The following ASPA variants were observed in gnomAD, a reference collection of about 807,000 sequenced individuals.
The protein encoded by ASPA is ACY-2.
A neutral mutation model predicts 29.6 loss-of-function variants in ASPA; 25 were observed. That is an observed-to-expected ratio of 0.85 (90% CI 0.62 to 1.18). The LOEUF (loss-of-function observed/expected upper bound fraction) is 1.18, where lower values mean the gene tolerates loss of function less well. ASPA is among the 50% of genes most tolerant of loss of function. The pLI is 0.00. For synonymous variants in ASPA, 131 were observed against 130.3 expected, an observed-to-expected ratio of 1.01 and a Z score of -0.04; for missense variants, 333 against 385.7, an observed-to-expected ratio of 0.86 and a Z score of 1.14.
At chr17:3,497,311 C>T (rs929276106) in intron 5 of ASPA, among the ~76,000 whole-genome samples, 3 of 152,280 alleles carry the variant, frequency 2.0e-5, no homozygotes, top group African/African-American at 7.2e-5. Context: ...AAATAGTTCT[C>T]AGCCGAGCCA....
chr17:3,500,595 C>G lies in ASPA; in HGVS notation c.*1507C>G, dbSNP rs1192093252. 2 of 152,146 alleles carry G rather than the reference C, an allele frequency of 1.3e-5. No individual in the cohort carries two copies. The highest frequency in any genetic ancestry group is 4.8e-5 in the African/African-American group (2 of 41,420). The allele number at this position is 152,146 out of a possible 1,614,324, so 9.4% of individuals were successfully genotyped here. A position where few individuals can be genotyped will look rare whatever the true frequency, so the allele number is the denominator to read the frequency against. On this transcript the variant is annotated 3_prime_UTR_variant, in exon 6 of 6. Transcript: ENST00000263080. ...TCGGCTCACTGCAAGCTCCGCCTCCCAGGTTCATGCCATTCTCCTGCCTCA... is the reference window on the plus strand; with the variant it reads ...TCGGCTCACTGCAAGCTCCGCCTCCGAGGTTCATGCCATTCTCCTGCCTCA...
intron 2 of ASPA, 95 bp downstream of exon 2, chr17:3,481,893 A>G: frequency 8.3e-7 from 1 of 1,204,004 alleles, no homozygotes; most frequent in Non-Finnish European, 1.2e-6. Context: ...TTATGAGGGA[A>G]GGTGCAAGAG....
In ASPA at chr17:3,499,169, T is replaced by C. The variant is rs2073961028; in HGVS notation, c.*81T>C. ...AGCTCCTTAAGAGTAGGGTTGTGCC[T>C]TATTCAACTGCATACATAGCTCCTA... On this transcript the variant is annotated 3_prime_UTR_variant, in exon 6 of 6. Coordinates refer to ENST00000263080, the MANE Select transcript of ASPA (RefSeq NM_000049.4). The C allele has an allele frequency of 9.6e-6, 14 of 1,463,444 alleles. No individual in the cohort carries two copies. Among genetic ancestry groups the C allele is most frequent in the Non-Finnish European group, 1.2e-5 (13 of 1,066,656 alleles). The allele number at this position is 1,463,444 out of a possible 1,614,324, so 90.7% of individuals were successfully genotyped here. A position where few individuals can be genotyped will look rare whatever the true frequency, so the allele number is the denominator to read the frequency against.
Position 3,489,233 on chromosome 17 carries a change from A to C in ASPA, c.527-2A>C, listed in dbSNP as rs778385612. Reference sequence around the variant, plus strand: ...TGTGACTATCTCTCCTTCTGTACCTAGGTATAGAAGTTGGTCCTCAGCCTC... The same window carrying C: ...TGTGACTATCTCTCCTTCTGTACCTCGGTATAGAAGTTGGTCCTCAGCCTC... On this transcript the variant is annotated splice_acceptor_variant, in intron 3 of 5. Transcript: ENST00000263080. LOFTEE classifies it high-confidence loss of function. 6.3e-7 allele frequency: 1 copy of C among 1,579,268 alleles called. No homozygotes were observed. Among genetic ancestry groups the C allele is most frequent in the Non-Finnish European group, 8.7e-7 (1 of 1,149,830 alleles).
intron 3 of ASPA, among the ~76,000 whole-genome samples, chr17:3,486,418 C>A (rs1279042445): frequency 6.6e-6 from 1 of 152,208 alleles, no homozygotes; most frequent in Non-Finnish European, 1.5e-5. Context: ...AGAATCCTCT[C>A]TCCACATCCC....
At chr17:3,479,029 C>G (rs1399926319) in intron 1 of ASPA, among the ~76,000 whole-genome samples, 1 of 152,158 alleles carries the variant, frequency 6.6e-6, no homozygotes, top group Non-Finnish European at 1.5e-5. Context: ...TTGCTCTGAC[C>G]CTTCCTGTCA....
intron 1 of ASPA, among the ~76,000 whole-genome samples, chr17:3,479,354 C>G (rs11652568): frequency 0.41 from 62,267 of 152,070 alleles, 14,664 homozygotes; most frequent in Non-Finnish European, 0.56. Context: ...AATTGTCGGG[C>G]GCGACCTCAG....
chr17:3,483,997 T>C (rs536013905), intron 3 of ASPA, among the ~76,000 whole-genome samples: 1 of 152,196 alleles, frequency 6.6e-6, no homozygotes, highest in Non-Finnish European at 1.5e-5. Flanking sequence ...CTACCTTCCA[T>C]ATCCTTAGGC....
At chr17:3,495,184 T>G (rs371549015) in intron 5 of ASPA, among the ~76,000 whole-genome samples, 124 of 152,120 alleles carry the variant, frequency 8.2e-4, no homozygotes, top group African/African-American at 2.8e-3. Flanking sequence ...AAAGCCAAAG[T>G]ATCCATTCCC....
intron 4 of ASPA, among the ~76,000 whole-genome samples, chr17:3,492,847 T>TA (rs985725127): frequency 6.6e-6 from 1 of 151,514 alleles, no homozygotes; most frequent in African/African-American, 2.4e-5. Flanking sequence ...AGCAAAACAA[T>TA]AAAAAAAATC....
chr17:3,479,580 T>G lies in ASPA; in HGVS notation c.237-2023T>G, dbSNP rs867048650. 2.5e-4 allele frequency among the ~76,000 whole-genome samples: 38 copies of G among 152,218 alleles called. No individual in the cohort carries two copies. In the Middle Eastern group the frequency reaches 0.017, roughly 68 times the overall value. Reference sequence around the variant, plus strand: ...ACCTTCCCACAGCACTGTCTCAACATGGCCCCTTCCACCTTCCCACTGCAC... The same window carrying G: ...ACCTTCCCACAGCACTGTCTCAACAGGGCCCCTTCCACCTTCCCACTGCAC... On this transcript the variant is annotated intron_variant, in intron 1 of 5. Coordinates refer to ENST00000263080, the MANE Select transcript of ASPA (RefSeq NM_000049.4).
chr17:3,498,192 C>T (rs2073939185), intron 5 of ASPA, among the ~76,000 whole-genome samples: 1 of 152,066 alleles, frequency 6.6e-6, no homozygotes, highest in African/African-American at 2.4e-5. Context: ...ACAGAAGACT[C>T]CTAATGGATA....
At chr17:3,495,633 A>G (rs1367383465) in intron 5 of ASPA, among the ~76,000 whole-genome samples, 2 of 152,132 alleles carry the variant, frequency 1.3e-5, no homozygotes, top group African/African-American at 2.4e-5. Context: ...CAGTGGTGCA[A>G]TCTCAGCTCA....
At chr17:3,496,870 T>C (rs2150761849) in intron 5 of ASPA, among the ~76,000 whole-genome samples, 1 of 152,152 alleles carries the variant, frequency 6.6e-6, no homozygotes, top group South Asian at 2.1e-4. Flanking sequence ...ATCGAGACCA[T>C]CCTGGCTAAC....
chr17:3,483,540 G>A lies in ASPA; in HGVS notation c.474G>A (p.Glu158=). The A allele has an allele frequency of 1.2e-6, 2 of 1,614,102 alleles. No homozygotes were observed. The highest frequency in any genetic ancestry group is 1.3e-5 in the African/African-American group (1 of 75,014). Residue 158 remains glutamate, a synonymous_variant, in exon 3 of 6, where the codon GAG becomes GAA. Transcript: ENST00000263080. ...APLPCYVYLI[E]HPSLKYATTR... The stretch of plus-strand genomic sequence containing the variant: ...TACCCTGCTACGTTTATCTGATTGA[G>A]CATCCTTCCCTCAAATATGCGACCA...
chr17:3,479,518 C>T (rs1234929794), intron 1 of ASPA, among the ~76,000 whole-genome samples: 1 of 152,128 alleles, frequency 6.6e-6, no homozygotes, highest in Non-Finnish European at 1.5e-5. Context: ...GCTGATGGAG[C>T]GGCCACATGA....
intron 4 of ASPA, among the ~76,000 whole-genome samples, chr17:3,492,589 A>C (rs1222523073): frequency 6.6e-6 from 1 of 152,190 alleles, no homozygotes. Context: ...GTGCCATAGA[A>C]GAGGCTTGAA....
rs2073800916 is a variant in ASPA at position 3,490,225 on chromosome 17, A to G, written c.634+883A>G. ...GTCTTAATTATATTCAATAAGAATA[A>G]TGTATTTATGTATTATTTCTGTAAT... On this transcript the variant is annotated intron_variant, in intron 4 of 5. Coordinates refer to ENST00000263080, the MANE Select transcript of ASPA (RefSeq NM_000049.4). This position sits in a 1 kb window ranked among gnomAD's most constrained non-coding sequence, Gnocchi z 4.6. 6.6e-6 allele frequency among the ~76,000 whole-genome samples: 1 copy of G among 152,214 alleles called. No individual in the cohort carries two copies.
chr17:3,493,498 T>C (rs1370492668), intron 4 of ASPA, among the ~76,000 whole-genome samples: 1 of 138,114 alleles, frequency 7.2e-6, no homozygotes, highest in African/African-American at 2.8e-5. Context: ...GAGGTGGAGG[T>C]TGCAGTGAGC....
Sources: gnomAD v4.1 joint callset for allele counts (sites outside exome capture counted in the v4.1 genomes callset) on GRCh38, gnomAD v4.1.1 for gene constraint, Gnocchi (gnomAD v3.1) non-coding constraint, MANE v1.5 for transcripts, NCBI Gene and HGNC (gene_info 2026-07-23, HGNC 2026-07-21) for gene names.